KCTD1: variants seen among roughly 807,000 people sequenced by gnomAD.
KCTD1 encodes the protein BTB/POZ domain-containing protein KCTD1.
A neutral mutation model predicts 66.0 loss-of-function variants in KCTD1; 24 were observed. The observed-to-expected ratio is 0.36, with a 90% confidence interval of 0.26 to 0.51. KCTD1 has a LOEUF of 0.51. KCTD1 is among the 20% of genes least tolerant of loss of function. The pLI is 0.95. For synonymous variants in KCTD1, 511 were observed against 517.2 expected (o/e 0.99, Z 0.16); for missense variants, 943 against 1,205.2 (o/e 0.78, Z 3.22).
chr18:26,570,832 T>C (rs1986090829), intron 1 of KCTD1, among the ~76,000 whole-genome samples: 2 of 152,244 alleles, frequency 1.3e-5, no homozygotes, highest in African/African-American at 4.8e-5. Flanking sequence ...CAGAGATGTC[T>C]ATACCCTGAG....
At chr18:26,538,286 G>A (rs1471823239) in intron 1 of KCTD1, among the ~76,000 whole-genome samples, 1 of 152,180 alleles carries the variant, frequency 6.6e-6, no homozygotes, top group South Asian at 2.1e-4. Flanking sequence ...CCTCTGTAAA[G>A]AGAAATAGGA....
At chr18:26,530,209 C>A (rs1984370547) in intron 1 of KCTD1, among the ~76,000 whole-genome samples, 2 of 152,158 alleles carry the variant, frequency 1.3e-5, no homozygotes, top group Non-Finnish European at 2.9e-5. Context: ...AGTTGGAGTT[C>A]TTTCCCTAAG....
At chr18:26,585,911 G>C (rs570802362) in intron 1 of KCTD1, among the ~76,000 whole-genome samples, 9 of 152,278 alleles carry the variant, frequency 5.9e-5, no homozygotes, top group Admixed American at 3.3e-4. Flanking sequence ...GATTAGCTGG[G>C]CATGGTGGTG....
intron 1 of KCTD1, among the ~76,000 whole-genome samples, chr18:26,610,154 CT>C (rs995946498): frequency 5.3e-5 from 8 of 151,818 alleles, no homozygotes; most frequent in South Asian, 2.1e-4. Context: ...CTTTGAGTTA[CT>C]TTTTTTTTCT....
intron 1 of KCTD1, among the ~76,000 whole-genome samples, chr18:26,528,833 C>T (rs9304496): frequency 0.75 from 113,672 of 152,064 alleles, 42,653 homozygotes; most frequent in East Asian, 0.9. Flanking sequence ...CCTCCTCCTC[C>T]CCGGCCACTT....
upstream of KCTD1, among the ~76,000 whole-genome samples, chr18:26,550,555 A>AAGACACAC (rs1158979855): frequency 3.0e-3 from 319 of 105,452 alleles, 1 homozygote; most frequent in African/African-American, 0.013. This position sits in a 1 kb window ranked among gnomAD's most constrained non-coding sequence, Gnocchi z 5.4. Flanking sequence ...AGGGAAACAC[A>AAGACACAC]AGACACACAG....
intron 1 of KCTD1, among the ~76,000 whole-genome samples, chr18:26,597,309 C>T (rs1598959385): frequency 6.6e-6 from 1 of 151,734 alleles, no homozygotes; most frequent in South Asian, 2.1e-4. Flanking sequence ...ATGATGTGCA[C>T]ATGGGAGGAA....
chr18:26,624,921 T>C (rs1422785426), intron 1 of KCTD1, among the ~76,000 whole-genome samples: 1 of 152,174 alleles, frequency 6.6e-6, no homozygotes, highest in African/African-American at 2.4e-5. Context: ...GCCATGGGAG[T>C]CCACCTCTTG....
rs151239539 is a variant in KCTD1, at chr18:26,455,775, C to T, written c.2566G>A (p.Val856Ile). ...AGAGGCTCTTGCTTTATCCGGATGA[C>T]GGAGGGTACACGGGGCGTCCGCCTC... ...ELRRTPRVPS[V>I]IRIKQEPLD The change falls in exon 5 of 5, where the codon GTC (valine) becomes ATC (isoleucine). Residue 856 changes from valine (V) to isoleucine (I), a missense_variant. Physicochemically the swap from Val to Ile is conservative, Grantham distance 29. Transcript: ENST00000580059. 1,554 of 1,614,070 alleles carry T rather than the reference C, an allele frequency of 9.6e-4. 3 individuals are homozygous for T. The highest frequency in any genetic ancestry group is 1.2e-3 in the Non-Finnish European group (1,402 of 1,180,016).
chr18:26,482,460 T>A (rs1981698591), intron 2 of KCTD1, among the ~76,000 whole-genome samples: 1 of 152,112 alleles, frequency 6.6e-6, no homozygotes, highest in Admixed American at 6.5e-5. Flanking sequence ...GTAGTACACA[T>A]GAGGTTTCAT....
intron 1 of KCTD1, among the ~76,000 whole-genome samples, chr18:26,516,178 T>C (rs550417055): frequency 1.3e-5 from 2 of 151,834 alleles, no homozygotes; most frequent in South Asian, 4.2e-4. Context: ...AAGGAAAATA[T>C]AGGAGATGAG....
intron 1 of KCTD1, among the ~76,000 whole-genome samples, chr18:26,636,793 T>C (rs1987733430): frequency 6.6e-6 from 1 of 152,170 alleles, no homozygotes; most frequent in Admixed American, 6.5e-5. Context: ...ACCCAAAGTG[T>C]TCATAAAGAT....
intron 1 of KCTD1, among the ~76,000 whole-genome samples, chr18:26,554,165 GA>G (rs1297764705): frequency 7.2e-6 from 1 of 139,002 alleles, no homozygotes; most frequent in South Asian, 2.3e-4. Context: ...CAGAAGGAAA[GA>G]AAAAGAAAGA....
At chr18:26,500,298 T>C (rs1043084479) in intron 2 of KCTD1, among the ~76,000 whole-genome samples, 2 of 149,214 alleles carry the variant, frequency 1.3e-5, no homozygotes, top group Admixed American at 6.7e-5. Context: ...CATGCACCTG[T>C]GGTCTCAGCT....
chr18:26,483,008 G>A lies in KCTD1; in HGVS notation c.1989-6349C>T, dbSNP rs368459165. Among the ~76,000 whole-genome samples, 12 of 152,304 alleles carry A rather than the reference G, an allele frequency of 7.9e-5. No homozygotes were observed. The East Asian group carries it at 1.2e-3, about 15-fold the overall frequency. On this transcript the variant is annotated intron_variant, in intron 2 of 4. Transcript: ENST00000580059. ...AGGCTTCCAAGCCATGGGACATATGGTTTGGACTTTAGGAAAAGATTTCAT... is the reference window on the plus strand; with the variant it reads ...AGGCTTCCAAGCCATGGGACATATGATTTGGACTTTAGGAAAAGATTTCAT...
At chr18:26,562,975 G>A (rs1985895379) in intron 1 of KCTD1, among the ~76,000 whole-genome samples, 1 of 152,128 alleles carries the variant, frequency 6.6e-6, no homozygotes, top group Non-Finnish European at 1.5e-5. Context: ...AATTTGGGAG[G>A]AACACAGTTC....
intron 1 of KCTD1, among the ~76,000 whole-genome samples, chr18:26,511,922 T>C (rs539344188): frequency 2.6e-5 from 4 of 152,260 alleles, no homozygotes; most frequent in African/African-American, 9.6e-5. Flanking sequence ...CCACAGAGAA[T>C]TGGCACTTTA....
chr18:26,610,737 ATCTTTT>A (rs1987120708), intron 1 of KCTD1, among the ~76,000 whole-genome samples: 1 of 151,666 alleles, frequency 6.6e-6, no homozygotes. Flanking sequence ...AAAGGAGTCT[ATCTTTT>A]TACTACTCAA....
chr18:26,642,055 C>A (rs1432275713), upstream of KCTD1, among the ~76,000 whole-genome samples: 2 of 152,206 alleles, frequency 1.3e-5, no homozygotes, highest in African/African-American at 4.8e-5. Context: ...ATTTAATCCC[C>A]TCTTCCCTGC....
Sources: allele counts gnomAD v4.1 joint callset (sites outside exome capture counted in the v4.1 genomes callset), GRCh38; gene constraint gnomAD v4.1.1; non-coding constraint Gnocchi (gnomAD v3.1); transcripts MANE v1.5; gene names NCBI Gene and HGNC (gene_info 2026-07-23, HGNC 2026-07-21).